IQCM: variants seen among roughly 807,000 people sequenced by gnomAD.
The protein encoded by IQCM is IQ motif containing M.
In IQCM, 45 loss-of-function variants were observed where a neutral mutation model predicts 57.6. The observed-to-expected ratio is 0.78, with a 90% CI of 0.62 to 1.00. The LOEUF (loss-of-function observed/expected upper bound fraction) is 1.00. Among genes scored for constraint, IQCM ranks in the 50% least tolerant of loss-of-function variants. The probability of loss-of-function intolerance (pLI) is 0.00; values close to 1 mark genes in which losing one functional copy is unlikely to be tolerated. For synonymous variants in IQCM, 148 were observed against 158.9 expected, an observed-to-expected ratio of 0.93 and a Z score of 0.51; for missense variants, 468 against 511.6, an observed-to-expected ratio of 0.91 and a Z score of 0.82.
chr4:149,470,845 G>A (rs527421776), intron 12 of IQCM, among the ~76,000 whole-genome samples: 1 of 152,160 alleles, frequency 6.6e-6, no homozygotes, highest in Non-Finnish European at 1.5e-5. Flanking sequence ...CATGGAAACT[G>A]AACAACTTAC....
At chr4:149,537,018 G>A (rs1345064950) in intron 12 of IQCM, among the ~76,000 whole-genome samples, 2 of 151,910 alleles carry the variant, frequency 1.3e-5, no homozygotes, top group African/African-American at 2.4e-5. Flanking sequence ...TAACAACAAA[G>A]TATCTAAAAT....
intron 7 of IQCM, among the ~76,000 whole-genome samples, chr4:149,670,064 G>A (rs1336005594): frequency 1.3e-5 from 2 of 152,096 alleles, no homozygotes; most frequent in Non-Finnish European, 2.9e-5. Flanking sequence ...AAATTACCTT[G>A]GGCAGTAAGG....
rs7683269 is a variant in IQCM, at chr4:149,738,164, C to T, written c.38-2706G>A. On this transcript the variant is annotated intron_variant, in intron 3 of 13. Coordinates refer to ENST00000636793, the MANE Select transcript of IQCM (RefSeq NM_001363507.2). Reference sequence around the variant, plus strand: ...CACACAGCAGTGCTGCGGCTCTGCACAGGCACTGTGCTCCTGAGTTCCTTG... The same window carrying T: ...CACACAGCAGTGCTGCGGCTCTGCATAGGCACTGTGCTCCTGAGTTCCTTG... 9.0e-3 allele frequency among the ~76,000 whole-genome samples: 1,367 copies of T among 152,278 alleles called. 9 individuals are homozygous for T. The highest frequency in any genetic ancestry group is 0.03 in the African/African-American group (1,266 of 41,554).
chr4:149,628,921 A>G (rs969995685), intron 7 of IQCM, among the ~76,000 whole-genome samples: 3 of 152,230 alleles, frequency 2.0e-5, no homozygotes, highest in Non-Finnish European at 4.4e-5. Context: ...GAAAATGAAA[A>G]GTTAAATAAA....
At chr4:149,551,830 G>T (rs1190194557) in intron 11 of IQCM, among the ~76,000 whole-genome samples, 3 of 151,916 alleles carry the variant, frequency 2.0e-5, no homozygotes, top group African/African-American at 7.3e-5. Context: ...TAAGTAAAAG[G>T]AGTCCAAGTA....
chr4:149,377,814 G>A (rs1198541339), intron 13 of IQCM, among the ~76,000 whole-genome samples: 1 of 152,056 alleles, frequency 6.6e-6, no homozygotes, highest in Non-Finnish European at 1.5e-5. Context: ...ATGAAAATCA[G>A]CAAATGCTAA....
chr4:149,481,706 T>TTTTTTTTTTTTGTTTG (rs1740870611), intron 12 of IQCM, among the ~76,000 whole-genome samples: 1 of 133,370 alleles, frequency 7.5e-6, no homozygotes, highest in Non-Finnish European at 1.6e-5. Flanking sequence ...GTTTTGTTTT[T>TTTTTTTTTTTTGTTTG]TTTTTTTTTT....
chr4:149,397,545 C>CT (rs1306842957), intron 13 of IQCM, among the ~76,000 whole-genome samples: 2 of 151,892 alleles, frequency 1.3e-5, no homozygotes, highest in East Asian at 3.9e-4. Context: ...TAAGATGTGC[C>CT]TTGCTTCCCC....
chr4:149,644,964 A>G (rs764371804), intron 7 of IQCM, among the ~76,000 whole-genome samples: 24 of 152,228 alleles, frequency 1.6e-4, no homozygotes, highest in Non-Finnish European at 2.5e-4. Context: ...TTGCACTGCC[A>G]GTCTTTTAGA....
chr4:149,554,846 C>T (rs528906238), intron 10 of IQCM, among the ~76,000 whole-genome samples: 152 of 151,718 alleles, frequency 1.0e-3, no homozygotes, highest in Middle Eastern at 3.4e-3. Flanking sequence ...ACTACAGGCG[C>T]CCCCCACCAC....
intron 8 of IQCM, among the ~76,000 whole-genome samples, chr4:149,616,958 C>CTTT (rs774160343): frequency 5.7e-5 from 8 of 140,794 alleles, no homozygotes; most frequent in African/African-American, 1.8e-4. Context: ...TATCCTGGAA[C>CTTT]TTTTTTTTTT....
At chr4:149,445,856 A>T (rs1560848146) in intron 12 of IQCM, among the ~76,000 whole-genome samples, 1 of 151,832 alleles carries the variant, frequency 6.6e-6, no homozygotes, top group African/African-American at 2.4e-5. Context: ...TTTCCCTGAG[A>T]AATACAGCTG....
chr4:149,379,880 T>G (rs1052103978), intron 13 of IQCM, among the ~76,000 whole-genome samples: 10 of 152,096 alleles, frequency 6.6e-5, no homozygotes, highest in African/African-American at 2.4e-4. Flanking sequence ...CTCCCATAAT[T>G]CCCTTGAGTT....
chr4:149,791,321 G>C (rs931244514), intron 2 of IQCM, among the ~76,000 whole-genome samples: 6 of 151,850 alleles, frequency 4.0e-5, no homozygotes, highest in Non-Finnish European at 8.8e-5. Flanking sequence ...TGTACACTTT[G>C]GGGGGGTACA....
intron 13 of IQCM, among the ~76,000 whole-genome samples, chr4:149,364,323 G>A (rs17686436): frequency 0.18 from 27,373 of 152,072 alleles, 2,998 homozygotes; most frequent in Non-Finnish European, 0.25. Flanking sequence ...TGATGTTTCC[G>A]CAGCCTTACA....
intron 12 of IQCM, among the ~76,000 whole-genome samples, chr4:149,455,065 G>A (rs1217992665): frequency 2.6e-5 from 4 of 152,082 alleles, no homozygotes; most frequent in African/African-American, 9.7e-5. Flanking sequence ...GTGTGAAAGT[G>A]ATAAACATTC....
chr4:149,644,768 C>A (rs918137598), intron 7 of IQCM, among the ~76,000 whole-genome samples: 2 of 152,154 alleles, frequency 1.3e-5, no homozygotes, highest in Non-Finnish European at 2.9e-5. Context: ...GGCCTCATTC[C>A]AGACCTACTG....
intron 12 of IQCM, among the ~76,000 whole-genome samples, chr4:149,494,134 T>C (rs1193033164): frequency 6.6e-6 from 1 of 152,018 alleles, no homozygotes; most frequent in African/African-American, 2.4e-5. Flanking sequence ...ACAATAAGAT[T>C]CAGCCTCCTC....
intron 2 of IQCM, among the ~76,000 whole-genome samples, chr4:149,743,343 T>C (rs1035544289): frequency 6.6e-6 from 1 of 152,124 alleles, no homozygotes; most frequent in African/African-American, 2.4e-5. Flanking sequence ...CCTCTTTTCC[T>C]GTGATCTGTT....
Sources: allele counts gnomAD v4.1 joint callset (sites outside exome capture counted in the v4.1 genomes callset), GRCh38; gene constraint gnomAD v4.1.1; transcripts MANE v1.5; gene names NCBI Gene and HGNC (gene_info 2026-07-23, HGNC 2026-07-21).